The following SNTB2 variants were observed in gnomAD, a reference collection of about 807,000 sequenced individuals.
The protein encoded by SNTB2 is syntrophin beta 2, also known as beta-2-syntrophin.
In SNTB2, 34 loss-of-function variants were observed where a neutral mutation model predicts 46.2. That is an observed-to-expected ratio of 0.74 (90% CI 0.56 to 0.98). The LOEUF (loss-of-function observed/expected upper bound fraction) is 0.98. Among genes scored for constraint, SNTB2 ranks in the 50% least tolerant of loss-of-function variants. SNTB2 has a pLI of 0.00. For missense variants in SNTB2, 603 were observed against 731.4 expected, an observed-to-expected ratio of 0.82 and a Z score of 2.02; for synonymous variants, 290 against 312.6, an observed-to-expected ratio of 0.93 and a Z score of 0.76.
At chr16:69,256,140 C>T (rs555911533) in intron 2 of SNTB2, among the ~76,000 whole-genome samples, 6 of 151,916 alleles carry the variant, frequency 3.9e-5, no homozygotes, top group Non-Finnish European at 8.8e-5. Context: ...GAGCCAAGAT[C>T]GGGCCACTGC....
intron 2 of SNTB2, among the ~76,000 whole-genome samples, chr16:69,248,096 C>G (rs186583076): frequency 2.9e-3 from 442 of 152,306 alleles, no homozygotes; most frequent in Non-Finnish European, 5.2e-3. Context: ...GCACTGTAGC[C>G]TGGGTGACAG....
intron 5 of SNTB2, among the ~76,000 whole-genome samples, chr16:69,285,976 A>G (rs927298071): frequency 6.6e-6 from 1 of 151,900 alleles, no homozygotes; most frequent in Non-Finnish European, 1.5e-5. Flanking sequence ...TATTTTTAGT[A>G]GAGACAGGGT....
intron 2 of SNTB2, 52 bp from the exon 3 acceptor site, chr16:69,259,998 G>A: frequency 1.5e-6 from 2 of 1,374,584 alleles, no homozygotes; most frequent in South Asian, 1.2e-5. Context: ...AACCTGGCAG[G>A]TTTGGTGACT....
intron 2 of SNTB2, among the ~76,000 whole-genome samples, chr16:69,255,073 A>C (rs780492999): frequency 3.0e-4 from 45 of 152,006 alleles, no homozygotes; most frequent in Middle Eastern, 3.4e-3. Context: ...TCCCACCATA[A>C]AATTATTTTA....
intron 1 of SNTB2, among the ~76,000 whole-genome samples, chr16:69,236,711 C>T (rs1029142588): frequency 1.3e-5 from 2 of 149,018 alleles, no homozygotes; most frequent in Non-Finnish European, 1.5e-5. Context: ...GCAGCCACTA[C>T]AGTGGCTGGT....
intron 1 of SNTB2, among the ~76,000 whole-genome samples, chr16:69,244,805 A>T (rs1964653666): frequency 6.6e-6 from 1 of 152,296 alleles, no homozygotes; most frequent in Non-Finnish European, 1.5e-5. Flanking sequence ...TGGCCTGTTT[A>T]CATAGCTGTC....
intron 4 of SNTB2, among the ~76,000 whole-genome samples, chr16:69,281,484 GGTTTTTTTTTTTTT>G (rs1284016751): frequency 2.3e-5 from 3 of 131,714 alleles, no homozygotes; most frequent in Non-Finnish European, 5.1e-5. Flanking sequence ...TGTAAGGTCT[GGTTTTTTTTTTTTT>G]GTTTTTTTTT....
chr16:69,206,879 C>T (rs1270835235), intron 1 of SNTB2, among the ~76,000 whole-genome samples: 1 of 151,082 alleles, frequency 6.6e-6, no homozygotes, highest in Non-Finnish European at 1.5e-5. Context: ...GATTCTCCTG[C>T]CTCAGCATCC....
chr16:69,292,926 C>T (rs1405880106), intron 5 of SNTB2, among the ~76,000 whole-genome samples: 1 of 151,972 alleles, frequency 6.6e-6, no homozygotes, highest in Non-Finnish European at 1.5e-5. Context: ...CACCCCACAA[C>T]CCCCAACTTA....
At chr16:69,216,451 G>A (rs1355269309) in intron 1 of SNTB2, among the ~76,000 whole-genome samples, 1 of 151,980 alleles carries the variant, frequency 6.6e-6, no homozygotes, top group Non-Finnish European at 1.5e-5. Flanking sequence ...GGGAGGCCAC[G>A]GTGGGAGGAT....
chr16:69,287,222 T>G (rs1285470972), intron 5 of SNTB2, among the ~76,000 whole-genome samples: 1 of 152,196 alleles, frequency 6.6e-6, no homozygotes, highest in Non-Finnish European at 1.5e-5. Context: ...CAAATTTTTT[T>G]CTTTTTTTTT....
At chr16:69,254,526 C>A (rs1964754802) in intron 2 of SNTB2, among the ~76,000 whole-genome samples, 1 of 152,098 alleles carries the variant, frequency 6.6e-6, no homozygotes. Context: ...CATACAACCC[C>A]AAAAGCACAA....
In SNTB2 at chr16:69,202,855, C is replaced by CG. The variant is rs554439803; in HGVS notation, c.580+15110dup. ...CCTCCCAAAGTATTGGGATTATAGG[C>CG]GTGACCCAGCACGCCTGGCCACATC... On this transcript the variant is annotated intron_variant, in intron 1 of 6. Transcript: ENST00000336278. 2.6e-3 allele frequency among the ~76,000 whole-genome samples: 396 copies of CG among 152,058 alleles called. 3 individuals carry two copies. Among genetic ancestry groups the CG allele is most frequent in the Non-Finnish European group, 3.3e-3 (222 of 67,986 alleles).
chr16:69,301,047 A>G lies in SNTB2; in HGVS notation c.*123A>G, dbSNP rs1234791414. The G allele has an allele frequency of 3.2e-6, 2 of 633,840 alleles. No homozygotes were observed. Among genetic ancestry groups the G allele is most frequent in the African/African-American group, 3.7e-5 (2 of 54,286 alleles). The allele number at this position is 633,840 out of a possible 1,614,324, so 39.3% of individuals were successfully genotyped here. On this transcript the variant is annotated 3_prime_UTR_variant, in exon 7 of 7. Transcript: ENST00000336278. ...ACAGTGCCTTCCCAAGGACCTGCAA[A>G]TAACTGCTGAACCATAACCGTGTTT...
At chr16:69,203,652 A>T (rs1339177962) in intron 1 of SNTB2, among the ~76,000 whole-genome samples, 1 of 152,088 alleles carries the variant, frequency 6.6e-6, no homozygotes. Context: ...GAATTTTTAC[A>T]GATAGTATTA....
At chr16:69,227,608 A>G (rs1964471505) in intron 1 of SNTB2, among the ~76,000 whole-genome samples, 1 of 152,194 alleles carries the variant, frequency 6.6e-6, no homozygotes, top group African/African-American at 2.4e-5. Context: ...ACTCTGTAGA[A>G]GTGATGTGTT....
intron 3 of SNTB2, among the ~76,000 whole-genome samples, chr16:69,265,438 A>G (rs953428470): frequency 6.6e-6 from 1 of 152,234 alleles, no homozygotes; most frequent in Non-Finnish European, 1.5e-5. Context: ...AACCAGAAGT[A>G]CATTGCCTGT....
At chr16:69,205,578 C>T (rs1964208705) in intron 1 of SNTB2, among the ~76,000 whole-genome samples, 1 of 152,082 alleles carries the variant, frequency 6.6e-6, no homozygotes, top group South Asian at 2.1e-4. Context: ...AGTTTCTTTC[C>T]TTCCCTCTCT....
chr16:69,261,474 A>G (rs1328994158), intron 3 of SNTB2, among the ~76,000 whole-genome samples: 2 of 151,764 alleles, frequency 1.3e-5, no homozygotes, highest in Admixed American at 1.3e-4. Flanking sequence ...TAATTTTTTT[A>G]TTTTATTTTT....
Sources: allele counts gnomAD v4.1 joint callset (sites outside exome capture counted in the v4.1 genomes callset), GRCh38; gene constraint gnomAD v4.1.1; transcripts MANE v1.5; gene names NCBI Gene and HGNC (gene_info 2026-07-23, HGNC 2026-07-21).